The following SPON1 variants were observed in gnomAD, a reference collection of about 807,000 sequenced individuals.
SPON1 encodes spondin 1.
Under a neutral mutation model 111.7 loss-of-function variants are expected in SPON1, and 52 were observed. That is an observed-to-expected ratio of 0.47 (90% CI 0.37 to 0.59). SPON1 has a LOEUF of 0.59. Among genes scored for constraint, SPON1 ranks in the 20% least tolerant of loss-of-function variants. The pLI is 0.00. For missense variants in SPON1, 957 were observed against 1,068.5 expected, an observed-to-expected ratio of 0.90 and a Z score of 1.46; for synonymous variants, 410 against 395.8, an observed-to-expected ratio of 1.04 and a Z score of -0.43.
At position 14,022,355 on chromosome 11, in the gene SPON1, C is replaced by G. The variant is rs1848486880; in HGVS notation, c.346-19166C>G. 2.0e-5 allele frequency among the ~76,000 whole-genome samples: 3 copies of G among 152,142 alleles called. No individual in the cohort carries two copies. In the South Asian group the frequency reaches 6.2e-4, roughly 31 times the overall value. ...ATGGAGGATTCGAATGTGCTTCTGG[C>G]AAATAATCTGTTCTCACTTTTATAT... On this transcript the variant is annotated intron_variant, in intron 2 of 15. Coordinates refer to ENST00000576479, the MANE Select transcript of SPON1 (RefSeq NM_006108.4).
chr11:14,164,019 G>A (rs1253800399), intron 6 of SPON1, among the ~76,000 whole-genome samples: 1 of 152,054 alleles, frequency 6.6e-6, no homozygotes. Context: ...ATTACCTGAT[G>A]GTCACTATTT....
intron 6 of SPON1, among the ~76,000 whole-genome samples, chr11:14,178,045 A>AACACACACACACACAC (rs5789825): frequency 0.089 from 12,625 of 142,460 alleles, 595 homozygotes; most frequent in East Asian, 0.16. Flanking sequence ...CACACACACA[A>AACACACACACACACAC]ACACACACAC....
At chr11:14,148,418 T>A (rs1847748909) in intron 6 of SPON1, among the ~76,000 whole-genome samples, 2 of 152,094 alleles carry the variant, frequency 1.3e-5, no homozygotes, top group South Asian at 4.1e-4. Flanking sequence ...GCCTTTGGAA[T>A]GTGGTACCAT....
At chr11:14,102,703 C>T (rs1231623590) in intron 5 of SPON1, among the ~76,000 whole-genome samples, 1 of 152,208 alleles carries the variant, frequency 6.6e-6, no homozygotes, top group African/African-American at 2.4e-5. Context: ...TTGAAGAGTA[C>T]AAGGCAGTTA....
chr11:14,043,936 T>C (rs1848649887), intron 3 of SPON1, among the ~76,000 whole-genome samples: 1 of 152,220 alleles, frequency 6.6e-6, no homozygotes. Flanking sequence ...TTCTTGACCC[T>C]GGAGGTTCTT....
At chr11:14,083,164 A>G (rs1848977491) in intron 5 of SPON1, among the ~76,000 whole-genome samples, 1 of 152,246 alleles carries the variant, frequency 6.6e-6, no homozygotes, top group Admixed American at 6.5e-5. Context: ...ACCTATATTC[A>G]AAACAAAAGA....
At chr11:14,207,695 TA>T (rs1419402476) in intron 6 of SPON1, among the ~76,000 whole-genome samples, 1 of 152,078 alleles carries the variant, frequency 6.6e-6, no homozygotes, top group Non-Finnish European at 1.5e-5. Context: ...TAGCTATTAT[TA>T]AAAAGTCAAA....
chr11:14,040,090 T>C (rs1848621592), intron 2 of SPON1, among the ~76,000 whole-genome samples: 1 of 152,166 alleles, frequency 6.6e-6, no homozygotes, highest in Non-Finnish European at 1.5e-5. Context: ...GTATAGCTAT[T>C]CTGCAGTACT....
At chr11:14,225,073 AATTTTC>A (rs1189157820) in intron 6 of SPON1, among the ~76,000 whole-genome samples, 1 of 152,110 alleles carries the variant, frequency 6.6e-6, no homozygotes, top group Non-Finnish European at 1.5e-5. Context: ...TATGGATGTG[AATTTTC>A]CTAAGCCAGG....
chr11:14,264,364 GATT>G (rs1271447010), intron 15 of SPON1, among the ~76,000 whole-genome samples: 2 of 152,208 alleles, frequency 1.3e-5, no homozygotes, highest in African/African-American at 4.8e-5. Flanking sequence ...CCAAGAGAAA[GATT>G]ATACATCCCC....
chr11:14,121,156 G>A (rs1269683642), intron 5 of SPON1, among the ~76,000 whole-genome samples: 3 of 152,182 alleles, frequency 2.0e-5, no homozygotes, highest in African/African-American at 7.2e-5. Context: ...GTTGCCAAGG[G>A]CTGGGAGTGG....
At chr11:14,213,472 T>C (rs1384045642) in intron 6 of SPON1, among the ~76,000 whole-genome samples, 1 of 152,104 alleles carries the variant, frequency 6.6e-6, no homozygotes, top group Non-Finnish European at 1.5e-5. Context: ...GTTTATTGTG[T>C]CATTTAAAGA....
chr11:13,983,095 A>G, intron 2 of SPON1, 142 bp downstream of exon 2: 1 of 624,760 alleles, frequency 1.6e-6, no homozygotes, highest in South Asian at 2.0e-5. Context: ...AAGGGTCATC[A>G]TGGAGCAAGC....
intron 4 of SPON1, among the ~76,000 whole-genome samples, chr11:14,078,882 T>G (rs1336210416): frequency 2.0e-5 from 3 of 152,164 alleles, no homozygotes; most frequent in African/African-American, 7.2e-5. Context: ...TTTTATATAT[T>G]TAAACCAAAT....
At chr11:13,985,672 TC>T (rs201585136) in intron 2 of SPON1, among the ~76,000 whole-genome samples, 1 of 151,768 alleles carries the variant, frequency 6.6e-6, no homozygotes, top group African/African-American at 2.4e-5. Flanking sequence ...TTTTCTTTTT[TC>T]CCCTTAATTC....
At chr11:14,002,289 G>C (rs1377495674) in intron 2 of SPON1, among the ~76,000 whole-genome samples, 1 of 152,024 alleles carries the variant, frequency 6.6e-6, no homozygotes, top group Non-Finnish European at 1.5e-5. Flanking sequence ...ATCTCTCTGG[G>C]CCCCAAGTCA....
intron 5 of SPON1, among the ~76,000 whole-genome samples, chr11:14,091,626 G>T (rs943974117): frequency 6.6e-6 from 1 of 152,144 alleles, no homozygotes; most frequent in Non-Finnish European, 1.5e-5. Flanking sequence ...CTCCGAGTGC[G>T]GAGCCCGCCA....
At chr11:13,971,529 A>T (rs1456123177) in intron 1 of SPON1, among the ~76,000 whole-genome samples, 1 of 152,132 alleles carries the variant, frequency 6.6e-6, no homozygotes, top group Non-Finnish European at 1.5e-5. Context: ...AACTAAACTA[A>T]AATTTAATTT....
intron 8 of SPON1, 95 bp from the exon 9 acceptor site, chr11:14,255,552 T>C (rs1564942536): frequency 8.9e-7 from 1 of 1,129,766 alleles, no homozygotes; most frequent in Middle Eastern, 2.1e-4. Flanking sequence ...GTTAAATTCC[T>C]ATCAAGGACT....
Sources: gnomAD v4.1 joint callset for allele counts (sites outside exome capture counted in the v4.1 genomes callset) on GRCh38, gnomAD v4.1.1 for gene constraint, MANE v1.5 for transcripts, NCBI Gene and HGNC (gene_info 2026-07-23, HGNC 2026-07-21) for gene names.